MICALL1: variants seen among roughly 807,000 people sequenced by gnomAD.
The protein encoded by MICALL1 is MICAL-like protein 1.
Under a neutral mutation model 83.7 loss-of-function variants are expected in MICALL1, and 61 were observed. The observed-to-expected ratio is 0.73, with a 90% CI of 0.59 to 0.90. The LOEUF (loss-of-function observed/expected upper bound fraction) is 0.90, where lower values mean the gene tolerates loss of function less well. Ranked by LOEUF, MICALL1 falls within the 40% of genes least tolerant of loss-of-function variation. The pLI is 0.00. For missense variants in MICALL1, 1,066 were observed against 1,152.0 expected (o/e 0.93, Z 1.08); for synonymous variants, 481 against 473.6 (o/e 1.02, Z -0.20).
At chr22:37,918,977 G>T in intron 4 of MICALL1, 59 bp from the exon 5 acceptor site, 1 of 1,485,516 alleles carries the variant, frequency 6.7e-7, no homozygotes, top group South Asian at 1.3e-5. Flanking sequence ...GCAGTGATGT[G>T]AACAGGATGG....
At chr22:37,913,892 TG>T in intron 3 of MICALL1, among the ~76,000 whole-genome samples, 4 of 151,116 alleles carry the variant, frequency 2.6e-5, no homozygotes, top group Middle Eastern at 3.4e-3. Flanking sequence ...TTTTTTTTTT[TG>T]ATACAGAGTT....
chr22:37,924,601 C>T lies in MICALL1; in HGVS notation c.1025-59C>T, dbSNP rs1332063869. The T allele has an allele frequency of 1.3e-5, 20 of 1,565,480 alleles. No homozygotes were observed. The South Asian group carries it at 2.3e-4, about 18-fold the overall frequency. ...GGGAGGCAGGTGCTGTGGCTGGCTC[C>T]CTGGGTGCCCACCTCCTGCTGCCCA... On this transcript the variant is annotated intron_variant, in intron 6 of 15. Coordinates refer to ENST00000215957, the MANE Select transcript of MICALL1 (RefSeq NM_033386.4). This position sits in a 1 kb window ranked among gnomAD's most constrained non-coding sequence, Gnocchi z 5.2.
chr22:37,909,334 G>GT (rs1569133760), intron 1 of MICALL1, among the ~76,000 whole-genome samples: 2 of 150,932 alleles, frequency 1.3e-5, no homozygotes, highest in South Asian at 4.2e-4. Flanking sequence ...GATTACAGGC[G>GT]TGAGCCACCA....
intron 15 of MICALL1, 177 bp downstream of exon 15, chr22:37,937,969 GC>G (rs1344448975): frequency 1.3e-6 from 1 of 798,570 alleles, no homozygotes; most frequent in Non-Finnish European, 2.0e-6. Flanking sequence ...CCAGCATACA[GC>G]CAGGAAGGCT....
Position 37,906,577 on chromosome 22 carries a change from G to A in MICALL1, c.146+9G>A, listed in dbSNP as rs1003600548. 1.7e-6 allele frequency: 2 copies of A among 1,166,120 alleles called. No individual in the cohort carries two copies. The highest frequency in any genetic ancestry group is 4.0e-5 in the East Asian group (1 of 24,980). 72.2% of individuals were successfully genotyped at this position (1,166,120 alleles called of 1,614,324 possible). Reference sequence around the variant, plus strand: ...CACCGGCCCGACCTGCTGTGAGTGCGGGGCCCCGGGCGAGCGGGCGGCGCG... The same window carrying A: ...CACCGGCCCGACCTGCTGTGAGTGCAGGGCCCCGGGCGAGCGGGCGGCGCG... On this transcript the variant is annotated intron_variant, in intron 1 of 15. Coordinates refer to ENST00000215957, the MANE Select transcript of MICALL1 (RefSeq NM_033386.4). The surrounding 1 kb of genome is among the most constrained non-coding windows in gnomAD (Gnocchi z 4.4).
At chr22:37,934,818 G>C (rs1275129418) in intron 13 of MICALL1, among the ~76,000 whole-genome samples, 2 of 150,904 alleles carry the variant, frequency 1.3e-5, no homozygotes, top group African/African-American at 2.4e-5. Flanking sequence ...GGATGGTCTC[G>C]ATCTCCTGAC....
chr22:37,926,157 G>A, intron 8 of MICALL1, 114 bp downstream of exon 8: 2 of 1,311,448 alleles, frequency 1.5e-6, no homozygotes, highest in Non-Finnish European at 2.1e-6. Context: ...CGTGTTTCAT[G>A]GGTGACTTCT....
chr22:37,927,841 A>T lies in MICALL1; in HGVS notation c.1881+15A>T. 6.3e-7 allele frequency: 1 copy of T among 1,585,170 alleles called. No homozygotes were observed. The highest frequency in any genetic ancestry group is 8.6e-7 in the Non-Finnish European group (1 of 1,164,048). ...TGCAGGTAAAGGTGAGTGCCCCCTC[A>T]CCCTCACTAAAAGTGACATCCTCTC... On this transcript the variant is annotated intron_variant, in intron 9 of 15. Coordinates refer to ENST00000215957, the MANE Select transcript of MICALL1 (RefSeq NM_033386.4).
Position 37,922,405 on chromosome 22 carries a change from GGCAGCA to G in MICALL1, c.1009_1014del (p.Ser337_Ser338del). 1.3e-6 allele frequency: 2 copies of G among 1,532,294 alleles called. No individual in the cohort carries two copies. The highest frequency in any genetic ancestry group is 2.3e-4 in the Middle Eastern group (1 of 4,404). 94.9% of individuals were successfully genotyped at this position (1,532,294 alleles called of 1,614,324 possible). ...GCAGGAGAACCTGGTGGAGCAGGCTGGCAGCAGCAGCCTGGTGAACGGTGAGCAGGG... is the reference window on the plus strand; with the variant it reads ...GCAGGAGAACCTGGTGGAGCAGGCTGGCAGCCTGGTGAACGGTGAGCAGGG... On this transcript the variant is annotated inframe_deletion, in exon 6 of 16. Transcript: ENST00000215957.
At chr22:37,914,921 C>G (rs543148990) in intron 3 of MICALL1, among the ~76,000 whole-genome samples, 341 of 149,888 alleles carry the variant, frequency 2.3e-3, no homozygotes, top group Admixed American at 4.3e-3. Flanking sequence ...GGATTACAGG[C>G]ATGAGCCACT....
chr22:37,929,735 G>C (rs1045099139), intron 9 of MICALL1, among the ~76,000 whole-genome samples: 1 of 152,232 alleles, frequency 6.6e-6, no homozygotes, highest in Non-Finnish European at 1.5e-5. Context: ...GTTCATGAGG[G>C]CCCTGTCTTG....
rs775827792 is a variant in MICALL1 at position 37,932,863 on chromosome 22, C to T, written c.2209C>T (p.Arg737Trp). ...KLIHEKHLLV[R>W]RESELIYVFK... ...CATCCACGAGAAGCACCTACTGGTG[C>T]GGCGAGAGTCCGAGCTCATCTATGT... is the stretch of plus-strand genomic sequence containing the variant. Residue 737 changes from arginine to tryptophan, a missense_variant, in exon 12 of 16, where the codon CGG (arginine) becomes TGG (tryptophan). Physicochemically the swap from Arg to Trp is moderately radical, Grantham distance 101. Transcript: ENST00000215957. This position sits in a 1 kb window ranked among gnomAD's most constrained non-coding sequence, Gnocchi z 4.4. 5.6e-6 allele frequency: 9 copies of T among 1,613,968 alleles called. No individual in the cohort carries two copies. Among genetic ancestry groups the T allele is most frequent in the African/African-American group, 4.0e-5 (3 of 74,890 alleles).
At chr22:37,918,169 A>T (rs914909853) in intron 4 of MICALL1, among the ~76,000 whole-genome samples, 1 of 152,212 alleles carries the variant, frequency 6.6e-6, no homozygotes, top group African/African-American at 2.4e-5. Flanking sequence ...TCCTGTGGAG[A>T]CAGCTGTAAA....
chr22:37,909,155 C>T (rs533683153), intron 1 of MICALL1, among the ~76,000 whole-genome samples: 6 of 152,070 alleles, frequency 3.9e-5, no homozygotes, highest in East Asian at 1.9e-4. Context: ...CGGATTCAAG[C>T]GATTCTCCTG....
chr22:37,924,856 C>T lies in MICALL1; in HGVS notation c.1082+139C>T. The T allele has an allele frequency of 1.3e-6, 1 of 767,268 alleles. No individual in the cohort carries two copies. The highest frequency in any genetic ancestry group is 2.0e-6 in the Non-Finnish European group (1 of 488,222). The allele number at this position is 767,268 out of a possible 1,614,324, so 47.5% of individuals were successfully genotyped here. On this transcript the variant is annotated intron_variant, in intron 7 of 15. Transcript: ENST00000215957. This position sits in a 1 kb window ranked among gnomAD's most constrained non-coding sequence, Gnocchi z 5.2. ...AGGAGGGGAAGGAGAGCTGGGCCCA[C>T]ACCCCTTCTCCTGAGGCTCACCCCG... is the stretch of plus-strand genomic sequence containing the variant.
At chr22:37,937,238 CAGGT>C in intron 14 of MICALL1, 44 bp downstream of exon 14, 5 of 1,466,778 alleles carry the variant, frequency 3.4e-6, no homozygotes, top group Non-Finnish European at 3.7e-6. Flanking sequence ...AGGGCCAGAG[CAGGT>C]CAGGCTCTGG....
Position 37,922,074 on chromosome 22 carries a change from G to A in MICALL1, c.672G>A (p.Gly224=). 1.2e-6 allele frequency: 2 copies of A among 1,613,458 alleles called. No homozygotes were observed. The highest frequency in any genetic ancestry group is 1.1e-5 in the South Asian group (1 of 91,088). Residue 224 remains glycine, a synonymous_variant, in exon 6 of 16, where the codon GGG becomes GGA. Transcript: ENST00000215957. ...CAEHCARLGP[G]TRSGTRPGPF... ...AACACTGTGCCAGGCTGGGCCCGGGGACACGGTCGGGGACCAGGCCTGGGC... is the reference window on the plus strand; with the variant it reads ...AACACTGTGCCAGGCTGGGCCCGGGAACACGGTCGGGGACCAGGCCTGGGC...
At chr22:37,940,195 C>CG (rs1159184358) in intron 15 of MICALL1, among the ~76,000 whole-genome samples, 2 of 151,970 alleles carry the variant, frequency 1.3e-5, no homozygotes, top group East Asian at 3.9e-4. Context: ...GAGGCTGAGG[C>CG]GGGGGGGATC....
intron 1 of MICALL1, among the ~76,000 whole-genome samples, chr22:37,909,765 A>G (rs1191104060): frequency 6.6e-6 from 1 of 152,234 alleles, no homozygotes; most frequent in Admixed American, 6.5e-5. Context: ...CATTTGCAAT[A>G]TTGCCAGCGC....
Sources: allele counts gnomAD v4.1 joint callset (sites outside exome capture counted in the v4.1 genomes callset), GRCh38; gene constraint gnomAD v4.1.1; non-coding constraint Gnocchi (gnomAD v3.1); transcripts MANE v1.5; gene names NCBI Gene and HGNC (gene_info 2026-07-23, HGNC 2026-07-21).